Variants in CCSER1 observed in about 807,000 individuals in gnomAD.
CCSER1 encodes the protein coiled-coil serine rich protein 1.
A neutral mutation model predicts 82.0 loss-of-function variants in CCSER1; 41 were observed. The ratio of observed to expected loss-of-function variants is 0.50; its 90% CI spans 0.39 to 0.65. The LOEUF is 0.65. Ranked by LOEUF, CCSER1 falls within the 30% of genes least tolerant of loss-of-function variation. CCSER1 has a pLI of 0.00. For missense variants in CCSER1, 1,119 were observed against 1,064.2 expected, an observed-to-expected ratio of 1.05 and a Z score of -0.72; for synonymous variants, 414 against 383.9, an observed-to-expected ratio of 1.08 and a Z score of -0.92.
chr4:90,132,220 C>A lies in CCSER1; in HGVS notation c.-42+4389C>A, dbSNP rs549420249. ...AAACTAGCCTATCTGTTAATTGGTA[C>A]CTTTTGAATTTGGTTTTGGACTATA... On this transcript the variant is annotated intron_variant, in intron 1 of 10. Coordinates refer to ENST00000509176, the MANE Select transcript of CCSER1 (RefSeq NM_001145065.2). 1.1e-4 allele frequency among the ~76,000 whole-genome samples: 17 copies of A among 152,238 alleles called. 1 individual carries two copies. In the South Asian group the frequency reaches 3.5e-3, roughly 32 times the overall value.
intron 10 of CCSER1, among the ~76,000 whole-genome samples, chr4:91,502,591 G>A (rs1403198613): frequency 6.6e-6 from 1 of 152,126 alleles, no homozygotes; most frequent in African/African-American, 2.4e-5. Context: ...AGCACTAAAA[G>A]ACCTCTTCTA....
At chr4:90,604,166 A>G (rs777662805) in intron 5 of CCSER1, among the ~76,000 whole-genome samples, 18 of 152,226 alleles carry the variant, frequency 1.2e-4, no homozygotes, top group Non-Finnish European at 1.9e-4. Context: ...GAGATCATGC[A>G]TTTAACAAAT....
At chr4:90,413,227 G>T (rs1160058750) in intron 4 of CCSER1, among the ~76,000 whole-genome samples, 1 of 152,066 alleles carries the variant, frequency 6.6e-6, no homozygotes, top group Non-Finnish European at 1.5e-5. Context: ...AAAATACTTA[G>T]GAATATACCT....
At chr4:90,802,529 G>C (rs1756968588) in intron 7 of CCSER1, among the ~76,000 whole-genome samples, 1 of 151,046 alleles carries the variant, frequency 6.6e-6, no homozygotes, top group Admixed American at 6.6e-5. Context: ...TGAATTTTTA[G>C]TTAATGTTTA....
At chr4:90,747,400 G>C (rs1162955501) in intron 7 of CCSER1, among the ~76,000 whole-genome samples, 3 of 152,022 alleles carry the variant, frequency 2.0e-5, no homozygotes, top group African/African-American at 7.2e-5. Context: ...AAATTTCTTG[G>C]AAAGTCAGCA....
intron 10 of CCSER1, among the ~76,000 whole-genome samples, chr4:91,510,723 T>C (rs1759772136): frequency 6.6e-6 from 1 of 152,194 alleles, no homozygotes; most frequent in Admixed American, 6.5e-5. Flanking sequence ...CTGGATATCA[T>C]ACCTTTTTTG....
chr4:91,048,278 A>G (rs1357348542), intron 9 of CCSER1, among the ~76,000 whole-genome samples: 5 of 134,044 alleles, frequency 3.7e-5, no homozygotes, highest in African/African-American at 2.0e-4. Context: ...ATACACACAT[A>G]TATTTACACA....
chr4:90,712,439 G>T (rs368507105), intron 6 of CCSER1, among the ~76,000 whole-genome samples: 1 of 152,004 alleles, frequency 6.6e-6, no homozygotes, highest in African/African-American at 2.4e-5. Flanking sequence ...GAATTTTGAT[G>T]TAATTGTATA....
intron 10 of CCSER1, among the ~76,000 whole-genome samples, chr4:91,265,458 A>T (rs1024041468): frequency 2.1e-5 from 3 of 143,946 alleles, no homozygotes; most frequent in African/African-American, 7.3e-5. Flanking sequence ...GGCCTATATT[A>T]AAAAAATAAG....
chr4:90,441,735 CAAGTA>C, intron 4 of CCSER1, among the ~76,000 whole-genome samples: 1 of 152,148 alleles, frequency 6.6e-6, no homozygotes, highest in Non-Finnish European at 1.5e-5. Context: ...GGAGGGTCCA[CAAGTA>C]CCTCGTGTCT....
intron 6 of CCSER1, among the ~76,000 whole-genome samples, chr4:90,669,206 C>A (rs1732348796): frequency 6.6e-6 from 1 of 152,058 alleles, no homozygotes; most frequent in African/African-American, 2.4e-5. Flanking sequence ...GAGTGGTCAT[C>A]TCCTTCTTTC....
chr4:91,561,692 T>C (rs114120532), intron 10 of CCSER1, among the ~76,000 whole-genome samples: 1,890 of 151,540 alleles, frequency 0.012, 35 homozygotes, highest in African/African-American at 0.043. Flanking sequence ...TAGTAGGAAA[T>C]CAATAAATGT....
At chr4:90,724,730 G>A in intron 7 of CCSER1, 1 of 331,388 alleles carries the variant, frequency 3.0e-6, no homozygotes, top group Non-Finnish European at 5.9e-6. Context: ...TAAGTGCACT[G>A]ATTTCAGTAT....
At chr4:90,828,605 A>G (rs990229077) in intron 8 of CCSER1, among the ~76,000 whole-genome samples, 1 of 152,178 alleles carries the variant, frequency 6.6e-6, no homozygotes, top group African/African-American at 2.4e-5. Context: ...AGGAATAAAA[A>G]GGAGGATTTT....
At chr4:91,061,099 CTAAA>C (rs1351144603) in intron 9 of CCSER1, among the ~76,000 whole-genome samples, 1 of 151,796 alleles carries the variant, frequency 6.6e-6, no homozygotes, top group African/African-American at 2.4e-5. Context: ...GCTCATACTC[CTAAA>C]TAATGACTTT....
rs189311381 is a variant in CCSER1, at chr4:90,407,794, A to T, written c.1603+7665A>T. On this transcript the variant is annotated intron_variant, in intron 4 of 10. Transcript: ENST00000509176. ...GAGTGCTGGACAGTGGGTGCAGGAC[A>T]GTGGGTGTGGCGCACCCTACATGAG... 2.0e-5 allele frequency among the ~76,000 whole-genome samples: 3 copies of T among 152,254 alleles called. No individual in the cohort carries two copies. The East Asian group carries it at 5.8e-4, about 30-fold the overall frequency.
chr4:91,114,909 T>C (rs1203226998), intron 10 of CCSER1, among the ~76,000 whole-genome samples: 1 of 152,216 alleles, frequency 6.6e-6, no homozygotes, highest in African/African-American at 2.4e-5. Flanking sequence ...TTTTAAAATG[T>C]AAGAAATTAA....
At chr4:90,524,239 C>T (rs1018993080) in intron 5 of CCSER1, among the ~76,000 whole-genome samples, 1 of 152,086 alleles carries the variant, frequency 6.6e-6, no homozygotes, top group Non-Finnish European at 1.5e-5. Context: ...GCTTAGTTGT[C>T]GGGAACAACA....
chr4:91,360,047 C>A lies in CCSER1; in HGVS notation c.2218-238525C>A, dbSNP rs927891218. Among the ~76,000 whole-genome samples, 4 of 151,764 alleles carry A rather than the reference C, an allele frequency of 2.6e-5. No individual in the cohort carries two copies. In the South Asian group the frequency reaches 8.3e-4, roughly 31 times the overall value. On this transcript the variant is annotated intron_variant, in intron 10 of 10. Coordinates refer to ENST00000509176, the MANE Select transcript of CCSER1 (RefSeq NM_001145065.2). ...AGATTCAAACTCAGTTGCGTCTCATCCCACAATCCAAGCTATTTTTAAGGG... is the reference window on the plus strand; with the variant it reads ...AGATTCAAACTCAGTTGCGTCTCATACCACAATCCAAGCTATTTTTAAGGG...
Sources: gnomAD v4.1 joint callset for allele counts (sites outside exome capture counted in the v4.1 genomes callset) on GRCh38, gnomAD v4.1.1 for gene constraint, MANE v1.5 for transcripts, NCBI Gene and HGNC (gene_info 2026-07-23, HGNC 2026-07-21) for gene names.